The following GBE1 variants were observed in gnomAD, a reference collection of about 807,000 sequenced individuals.
GBE1 encodes the protein 1,4-alpha-glucan branching enzyme 1, also known as 1,4-alpha-glucan-branching enzyme.
In GBE1, 70 loss-of-function variants were observed where a neutral mutation model predicts 88.8. The observed-to-expected ratio is 0.79, with a 90% CI of 0.65 to 0.96. GBE1 has a LOEUF of 0.96. Ranked by LOEUF, GBE1 falls within the 40% of genes least tolerant of loss-of-function variation. The pLI, the probability that GBE1 is intolerant of heterozygous loss-of-function variation, is 0.00. For synonymous variants in GBE1, 284 were observed against 300.1 expected (o/e 0.95, Z 0.56); for missense variants, 872 against 871.0 (o/e 1.00, Z -0.01).
chr3:81,491,760 G>A (rs772889925), intron 15 of GBE1, among the ~76,000 whole-genome samples: 3 of 151,976 alleles, frequency 2.0e-5, no homozygotes, highest in Non-Finnish European at 4.4e-5. Context: ...GAACCAGAAT[G>A]AAGGTGCAAA....
At chr3:81,678,575 C>T (rs1039851647) in intron 2 of GBE1, among the ~76,000 whole-genome samples, 2 of 152,030 alleles carry the variant, frequency 1.3e-5, no homozygotes, top group Admixed American at 6.6e-5. Flanking sequence ...TACTATGATT[C>T]TTCTCATGTA....
chr3:81,608,232 ACCTCCTCC>A, intron 7 of GBE1, among the ~76,000 whole-genome samples: 1 of 151,834 alleles, frequency 6.6e-6, no homozygotes. Flanking sequence ...CAACCCTACC[ACCTCCTCC>A]CCTGTCATCT....
chr3:81,695,153 C>A (rs556260029), intron 2 of GBE1, among the ~76,000 whole-genome samples: 1 of 152,194 alleles, frequency 6.6e-6, no homozygotes, highest in Non-Finnish European at 1.5e-5. Flanking sequence ...GAGCCAAGCT[C>A]CCTCTTCTCA....
In GBE1 at chr3:81,499,135, T is replaced by C; in HGVS notation, c.2027A>G (p.His676Arg). The C allele has an allele frequency of 2.5e-6, 4 of 1,605,710 alleles. No homozygotes were observed. Among genetic ancestry groups the C allele is most frequent in the Non-Finnish European group, 3.4e-6 (4 of 1,173,536 alleles). Residue 676 changes from histidine to arginine, a missense_variant, in exon 15 of 16, where the codon CAT becomes CGT. Coordinates refer to ENST00000429644, the MANE Select transcript of GBE1 (RefSeq NM_000158.4). ...STDFFSEAFE[H>R]NGRPYSLLVY... ...CAAAAGAGAATAGGGACGCCCATTA[T>C]GTTCAAAAGCCTCAGAAAAAAAGTC...
chr3:81,549,748 T>C (rs1281874677), intron 12 of GBE1, among the ~76,000 whole-genome samples: 2 of 151,584 alleles, frequency 1.3e-5, no homozygotes, highest in Admixed American at 1.3e-4. Flanking sequence ...CCAAAAAGTT[T>C]ATATCAAAAA....
At chr3:81,750,549 A>ATG (rs1553696551) in intron 1 of GBE1, among the ~76,000 whole-genome samples, 1 of 82,914 alleles carries the variant, frequency 1.2e-5, no homozygotes, top group Admixed American at 1.4e-4. Context: ...GTATATATAT[A>ATG]TGTATATATA....
At chr3:81,612,220 T>TA (rs11404629) in intron 7 of GBE1, 27,341 of 239,026 alleles carry the variant, frequency 0.11, 510 homozygotes, top group Admixed American at 0.16. Context: ...CACGCTCCTT[T>TA]AAAAAAAAAA....
chr3:81,624,669 T>C lies in GBE1; in HGVS notation c.992+18112A>G, dbSNP rs73853447. Among the ~76,000 whole-genome samples the C allele has an allele frequency of 9.2e-3, 1,406 of 152,112 alleles. 28 individuals carry two copies. Among genetic ancestry groups the C allele is most frequent in the African/African-American group, 0.032 (1,345 of 41,510 alleles). On this transcript the variant is annotated intron_variant, in intron 7 of 15. Coordinates refer to ENST00000429644, the MANE Select transcript of GBE1 (RefSeq NM_000158.4). ...ACACACACATGCATACACACACACA[T>C]AACATGTAAATAAATAAGAAAATAA...
intron 12 of GBE1, among the ~76,000 whole-genome samples, chr3:81,545,163 A>G (rs1703190282): frequency 6.6e-6 from 1 of 152,060 alleles, no homozygotes; most frequent in South Asian, 2.1e-4. Context: ...TGAGTACTTA[A>G]CTCACCAAAG....
intron 12 of GBE1, among the ~76,000 whole-genome samples, chr3:81,568,923 T>C (rs1259101639): frequency 6.6e-6 from 1 of 152,024 alleles, no homozygotes; most frequent in Non-Finnish European, 1.5e-5. Flanking sequence ...TATACACAGA[T>C]TGTGAGCTAT....
chr3:81,652,103 T>C (rs1010671008), intron 3 of GBE1, among the ~76,000 whole-genome samples: 2 of 152,232 alleles, frequency 1.3e-5, no homozygotes, highest in Admixed American at 6.5e-5. Context: ...GATAACATAA[T>C]GATGCCCTTG....
At chr3:81,585,025 T>C (rs1418651201) in intron 10 of GBE1, among the ~76,000 whole-genome samples, 1 of 151,904 alleles carries the variant, frequency 6.6e-6, no homozygotes, top group East Asian at 1.9e-4. Flanking sequence ...AACTACAGCA[T>C]TTTTTTTAAA....
In GBE1 at chr3:81,490,466, A is replaced by T. The variant is rs1360932236; in HGVS notation, c.2053-3T>A. On this transcript the variant is annotated splice_region_variant and splice_polypyrimidine_tract_variant and intron_variant, in intron 15 of 15. Coordinates refer to ENST00000429644, the MANE Select transcript of GBE1 (RefSeq NM_000158.4). ...GCCACTCTGCTTGGAATGTACACCT[A>T]CGTCAAAACAATTATGTCAGTGCAA... 1 of 1,611,592 alleles carries T rather than the reference A, an allele frequency of 6.2e-7. No homozygotes were observed. Among genetic ancestry groups the T allele is most frequent in the South Asian group, 1.1e-5 (1 of 90,838 alleles).
intron 14 of GBE1, among the ~76,000 whole-genome samples, chr3:81,518,277 A>G (rs1013174331): frequency 6.6e-6 from 1 of 151,452 alleles, no homozygotes; most frequent in Non-Finnish European, 1.5e-5. Context: ...CAACTGAGCT[A>G]TGAAACAAAA....
At position 81,490,503 on chromosome 3, in the gene GBE1, ACCAAACGG is replaced by A. The variant is rs1322714619; in HGVS notation, c.2053-48_2053-41del. On this transcript the variant is annotated intron_variant, in intron 15 of 15. Transcript: ENST00000429644. Reference sequence around the variant, plus strand: ...TTATGTCAGTGCAATTGAAGAAAGTACCAAACGGCCTGTCATTATGTCAAAGAAACATA... The same window carrying A: ...TTATGTCAGTGCAATTGAAGAAAGTACCTGTCATTATGTCAAAGAAACATA... 2.0e-6 allele frequency: 3 copies of A among 1,504,818 alleles called. No homozygotes were observed. The Admixed American group carries it at 5.1e-5, about 26-fold the overall frequency. The allele number at this position is 1,504,818 out of a possible 1,614,324, so 93.2% of individuals were successfully genotyped here.
intron 3 of GBE1, among the ~76,000 whole-genome samples, chr3:81,667,403 T>A (rs1705126702): frequency 6.6e-6 from 1 of 152,234 alleles, no homozygotes; most frequent in Admixed American, 6.5e-5. Flanking sequence ...AGAGACAATT[T>A]GACTTCCTCT....
intron 7 of GBE1, among the ~76,000 whole-genome samples, chr3:81,639,523 G>A (rs532205570): frequency 6.6e-6 from 1 of 151,950 alleles, no homozygotes; most frequent in Admixed American, 6.6e-5. Flanking sequence ...CGAAGGGAGG[G>A]GCGTTAAGGA....
intron 1 of GBE1, among the ~76,000 whole-genome samples, chr3:81,737,408 T>C (rs1327477343): frequency 3.1e-5 from 1 of 32,560 alleles, no homozygotes; most frequent in Non-Finnish European, 5.9e-5. Flanking sequence ...TATATTTTTA[T>C]ATATTTATAT....
intron 1 of GBE1, among the ~76,000 whole-genome samples, chr3:81,748,045 G>C (rs1706442392): frequency 6.6e-6 from 1 of 152,106 alleles, no homozygotes; most frequent in Admixed American, 6.6e-5. Context: ...ATTTCAAATG[G>C]GGAGGCAGAG....
Sources: allele counts gnomAD v4.1 joint callset (sites outside exome capture counted in the v4.1 genomes callset), GRCh38; gene constraint gnomAD v4.1.1; transcripts MANE v1.5; gene names NCBI Gene and HGNC (gene_info 2026-07-23, HGNC 2026-07-21).